The following RNF14 variants were observed in gnomAD, a reference collection of about 807,000 sequenced individuals.
RNF14 encodes the protein ring finger protein 14.
In RNF14, 26 loss-of-function variants were observed where a neutral mutation model predicts 52.6. That is an observed-to-expected ratio of 0.49 (90% confidence interval 0.36 to 0.69). RNF14 has a LOEUF of 0.69. Among genes scored for constraint, RNF14 ranks in the 30% least tolerant of loss-of-function variants. RNF14 has a pLI of 0.00. For synonymous variants in RNF14, 194 were observed against 202.0 expected (o/e 0.96, Z 0.34); for missense variants, 404 against 560.4 (o/e 0.72, Z 2.82).
rs559185866 is a variant in RNF14, at chr5:141,959,522, G to A, written c.-181+1097G>A. Reference sequence around the variant, plus strand: ...AGCATTTGAGGTGATGAGAATGAACGCCAGCTTCCCTAGATGGGTGTTTGC... The same window carrying A: ...AGCATTTGAGGTGATGAGAATGAACACCAGCTTCCCTAGATGGGTGTTTGC... On this transcript the variant is annotated intron_variant, in intron 1 of 4. Transcript: ENST00000506822. Among the ~76,000 whole-genome samples, 42 of 152,272 alleles carry A rather than the reference G, an allele frequency of 2.8e-4. No individual in the cohort carries two copies. In the South Asian group the frequency reaches 5.8e-3, roughly 21 times the overall value.
At chr5:141,971,850 G>T (rs1036760462) in intron 2 of RNF14, among the ~76,000 whole-genome samples, 1 of 151,572 alleles carries the variant, frequency 6.6e-6, no homozygotes, top group Non-Finnish European at 1.5e-5. Context: ...GTTTTGCTGT[G>T]TTGGCCAGGC....
At chr5:141,956,740 C>T, upstream of RNF14, 1 of 1,614,260 alleles carries the variant, frequency 6.2e-7, no homozygotes, top group Non-Finnish European at 8.5e-7. Flanking sequence ...AGCAATAAAA[C>T]TGTCCTTGGG....
upstream of RNF14, chr5:141,957,250 T>C: frequency 6.2e-7 from 1 of 1,614,146 alleles, no homozygotes; most frequent in Middle Eastern, 1.6e-4. The surrounding 1 kb of genome is among the most constrained non-coding windows in gnomAD (Gnocchi z 4.3). Flanking sequence ...CCTGTCCAGC[T>C]CCTTCACCAC....
chr5:141,979,586 TTAAAA>T (rs1196852531), intron 5 of RNF14, among the ~76,000 whole-genome samples: 6 of 152,174 alleles, frequency 3.9e-5, no homozygotes, highest in South Asian at 4.1e-4. Flanking sequence ...ATAATTTTAC[TTAAAA>T]TAAACTACAC....
At chr5:141,956,817 G>C, upstream of RNF14, 1 of 1,614,242 alleles carries the variant, frequency 6.2e-7, no homozygotes, top group Non-Finnish European at 8.5e-7. Flanking sequence ...TGTTGTCATT[G>C]ACATCCAGAA....
chr5:141,973,368 G>A (rs1366074844), intron 2 of RNF14, among the ~76,000 whole-genome samples: 1 of 151,782 alleles, frequency 6.6e-6, no homozygotes, highest in Admixed American at 6.6e-5. Context: ...CTCCCAAGTA[G>A]CTGGGATTAC....
chr5:141,979,227 G>GTTGT (rs1561552611), intron 5 of RNF14, among the ~76,000 whole-genome samples: 2 of 141,492 alleles, frequency 1.4e-5, no homozygotes, highest in South Asian at 2.1e-4. Flanking sequence ...TACTTAGGTG[G>GTTGT]TGGTGGTGTT....
upstream of RNF14, among the ~76,000 whole-genome samples, chr5:141,954,285 A>G (rs568712958): frequency 1.3e-5 from 2 of 152,314 alleles, no homozygotes; most frequent in South Asian, 4.1e-4. Context: ...CAGACAAATT[A>G]TTTGCAACAC....
intron 1 of RNF14, among the ~76,000 whole-genome samples, chr5:141,960,743 G>A (rs1417273332): frequency 6.6e-6 from 1 of 152,226 alleles, no homozygotes; most frequent in African/African-American, 2.4e-5. Flanking sequence ...AGCACACAGC[G>A]TTAGGTAACT....
At position 141,989,518 on chromosome 5, in the gene RNF14, C is replaced by A. The variant is rs1473404797; in HGVS notation, c.*1728C>A. 1.3e-5 allele frequency: 2 copies of A among 151,978 alleles called. No individual in the cohort carries two copies. Among genetic ancestry groups the A allele is most frequent in the Admixed American group, 6.6e-5 (1 of 15,256 alleles). 9.4% of individuals were successfully genotyped at this position (151,978 alleles called of 1,614,324 possible). On this transcript the variant is annotated 3_prime_UTR_variant, in exon 9 of 9. Coordinates refer to ENST00000394520, the MANE Select transcript of RNF14 (RefSeq NM_004290.5). The stretch of plus-strand genomic sequence containing the variant: ...ACCATCATGGCTAACACGGTGAAAC[C>A]CCGTCTCTACTAAAAATACAAAAAA...
chr5:141,955,781 A>G, upstream of RNF14: 1 of 1,613,884 alleles, frequency 6.2e-7, no homozygotes, highest in African/African-American at 1.3e-5. The surrounding 1 kb of genome is among the most constrained non-coding windows in gnomAD (Gnocchi z 5.5). Context: ...ATGACCCTCA[A>G]CAGGGCTCGG....
intron 6 of RNF14, among the ~76,000 whole-genome samples, chr5:141,981,930 C>T (rs1165393323): frequency 6.6e-6 from 1 of 151,962 alleles, no homozygotes; most frequent in South Asian, 2.1e-4. Flanking sequence ...CTAATGTTAG[C>T]AGACTGTCAT....
Position 141,970,142 on chromosome 5 carries a change from G to A in RNF14, c.-180-562G>A, listed in dbSNP as rs7702863. ...TTTTAGGGTGTTGATAGGATTCTCCGTAGCCCATCTATAGACCACACTCCC... is the reference window on the plus strand; with the variant it reads ...TTTTAGGGTGTTGATAGGATTCTCCATAGCCCATCTATAGACCACACTCCC... On this transcript the variant is annotated intron_variant, in intron 1 of 8. Coordinates refer to ENST00000394520, the MANE Select transcript of RNF14 (RefSeq NM_004290.5). Among the ~76,000 whole-genome samples, 8 of 152,266 alleles carry A rather than the reference G, an allele frequency of 5.3e-5. No individual in the cohort carries two copies. The South Asian group carries it at 1.7e-3, about 32-fold the overall frequency.
At chr5:141,966,046 C>T (rs1192140573), upstream of RNF14, among the ~76,000 whole-genome samples, 1 of 151,602 alleles carries the variant, frequency 6.6e-6, no homozygotes, top group Non-Finnish European at 1.5e-5. Flanking sequence ...TTTGGGAAGC[C>T]AAAGCGGGTG....
intron 1 of RNF14, among the ~76,000 whole-genome samples, chr5:141,960,023 C>T (rs1037784132): frequency 1.3e-5 from 2 of 152,220 alleles, no homozygotes; most frequent in Non-Finnish European, 2.9e-5. Flanking sequence ...GCAAAGATGG[C>T]CTTGCATTTG....
At chr5:141,981,582 G>T (rs1754777991) in intron 6 of RNF14, 1 of 152,150 alleles carries the variant, frequency 6.6e-6, no homozygotes, top group African/African-American at 2.4e-5. Context: ...TGCAGAATGG[G>T]GCTGGGCATA....
the RNF14 span, among the ~76,000 whole-genome samples, chr5:141,950,550 A>C: frequency 6.6e-6 from 1 of 152,190 alleles, no homozygotes; most frequent in African/African-American, 2.4e-5. Flanking sequence ...GAGAAAACCA[A>C]GACTTGTGAA....
In RNF14 at chr5:141,974,949, A is replaced by C. The variant is rs1292551375; in HGVS notation, c.300A>C (p.Pro100=). Reference sequence around the variant, plus strand: ...CACTTAGTGGCAAATGGCTGTCACCAACTCAGGTTAGACTTGAAACTTAAT... The same window carrying C: ...CACTTAGTGGCAAATGGCTGTCACCCACTCAGGTTAGACTTGAAACTTAAT... The part of the protein sequence containing the change: ...SFTLSGKWLS[P]TQLSALCKHL... Residue 100 remains proline (P), a synonymous_variant, in exon 4 of 9, where the codon CCA becomes CCC. Transcript: ENST00000394520. 5 of 1,613,416 alleles carry C rather than the reference A, an allele frequency of 3.1e-6. No individual in the cohort carries two copies. Among genetic ancestry groups the C allele is most frequent in the Non-Finnish European group, 4.2e-6 (5 of 1,179,896 alleles).
At chr5:141,981,184 G>C (rs13361163) in intron 6 of RNF14, among the ~76,000 whole-genome samples, 3,375 of 152,256 alleles carry the variant, frequency 0.022, 123 homozygotes, top group African/African-American at 0.077. Flanking sequence ...CGAATATCAT[G>C]CTATTCAAAA....
Sources: allele counts gnomAD v4.1 joint callset (sites outside exome capture counted in the v4.1 genomes callset), GRCh38; gene constraint gnomAD v4.1.1; non-coding constraint Gnocchi (gnomAD v3.1); transcripts MANE v1.5; gene names NCBI Gene and HGNC (gene_info 2026-07-23, HGNC 2026-07-21).